Variants in CHCHD3 observed in about 807,000 individuals in gnomAD.
CHCHD3 encodes the protein coiled-coil-helix-coiled-coil-helix domain containing 3.
A neutral mutation model predicts 38.2 loss-of-function variants in CHCHD3; 20 were observed. The observed-to-expected ratio is 0.52, with a 90% CI of 0.37 to 0.76. The LOEUF (loss-of-function observed/expected upper bound fraction) is 0.76. Ranked by LOEUF, CHCHD3 falls within the 30% of genes least tolerant of loss-of-function variation. CHCHD3 has a pLI of 0.00. For synonymous variants in CHCHD3, 82 were observed against 100.0 expected, an observed-to-expected ratio of 0.82 and a Z score of 1.07; for missense variants, 245 against 279.2, an observed-to-expected ratio of 0.88 and a Z score of 0.87.
chr7:132,983,753 T>C (rs1338643320), intron 3 of CHCHD3, among the ~76,000 whole-genome samples: 2 of 151,868 alleles, frequency 1.3e-5, no homozygotes, highest in Non-Finnish European at 2.9e-5. Flanking sequence ...GAAAAAAAAG[T>C]TGAATTGCTT....
chr7:133,013,624 T>G (rs1812943875), intron 3 of CHCHD3, among the ~76,000 whole-genome samples: 1 of 152,176 alleles, frequency 6.6e-6, no homozygotes, highest in South Asian at 2.1e-4. Flanking sequence ...TATTATCAGA[T>G]AGACGGTCTA....
At chr7:133,017,251 T>C (rs1813055490) in intron 3 of CHCHD3, among the ~76,000 whole-genome samples, 1 of 152,222 alleles carries the variant, frequency 6.6e-6, no homozygotes, top group Non-Finnish European at 1.5e-5. Context: ...TATATGATTC[T>C]ATCACTTCAG....
chr7:132,969,244 C>A (rs747454626), intron 4 of CHCHD3, among the ~76,000 whole-genome samples: 13 of 150,940 alleles, frequency 8.6e-5, no homozygotes, highest in African/African-American at 2.9e-4. Flanking sequence ...GCAAGAATAA[C>A]CTTCCCCACA....
At chr7:132,818,440 T>C (rs1387333948) in intron 6 of CHCHD3, among the ~76,000 whole-genome samples, 2 of 152,156 alleles carry the variant, frequency 1.3e-5, no homozygotes, top group South Asian at 2.1e-4. Flanking sequence ...AATTTTCTCC[T>C]CTATGTCTTA....
chr7:132,811,192 G>C (rs182541217), intron 6 of CHCHD3, among the ~76,000 whole-genome samples: 8 of 152,228 alleles, frequency 5.3e-5, no homozygotes, highest in Admixed American at 1.3e-4. Context: ...CCAAAGAAAG[G>C]CAATCCCTAT....
rs943833377 is a variant in CHCHD3 at position 132,804,064 on chromosome 7, G to C, written c.525-7487C>G. On this transcript the variant is annotated intron_variant, in intron 6 of 7. Coordinates refer to ENST00000262570, the MANE Select transcript of CHCHD3 (RefSeq NM_017812.4). ...TTTAGAAGGTAGATAACTGGAAATAGCCAACACGGGAGTCCCCAATGTAGC... is the reference window on the plus strand; with the variant it reads ...TTTAGAAGGTAGATAACTGGAAATACCCAACACGGGAGTCCCCAATGTAGC... Among the ~76,000 whole-genome samples the C allele has an allele frequency of 3.3e-5, 5 of 152,002 alleles. No homozygotes were observed. The South Asian group carries it at 1.0e-3, about 32-fold the overall frequency.
At chr7:132,976,150 A>G (rs1482958247) in intron 3 of CHCHD3, among the ~76,000 whole-genome samples, 1 of 152,140 alleles carries the variant, frequency 6.6e-6, no homozygotes, top group Non-Finnish European at 1.5e-5. Context: ...CTTTCCTCCC[A>G]GTATATTACC....
intron 3 of CHCHD3, among the ~76,000 whole-genome samples, chr7:133,003,306 A>C (rs1301040471): frequency 1.3e-5 from 2 of 152,200 alleles, no homozygotes; most frequent in Non-Finnish European, 2.9e-5. Context: ...AGAGTTGGCA[A>C]ACATGCTCTT....
At chr7:132,802,587 G>A (rs189060713) in intron 6 of CHCHD3, among the ~76,000 whole-genome samples, 41 of 152,320 alleles carry the variant, frequency 2.7e-4, no homozygotes, top group African/African-American at 6.7e-4. Context: ...TTGGTATGAG[G>A]TGGAAGAAAC....
intron 2 of CHCHD3, among the ~76,000 whole-genome samples, chr7:133,025,430 C>T (rs947473034): frequency 2.0e-5 from 3 of 152,184 alleles, no homozygotes; most frequent in Admixed American, 6.5e-5. Context: ...CCCAAAATTA[C>T]GAACAAGAAA....
chr7:133,029,485 T>C (rs1263904844), intron 2 of CHCHD3, among the ~76,000 whole-genome samples: 1 of 152,216 alleles, frequency 6.6e-6, no homozygotes, highest in Non-Finnish European at 1.5e-5. Context: ...GGTAAGAACA[T>C]ACAGTATTTG....
At chr7:132,971,013 G>C (rs932174367) in intron 4 of CHCHD3, among the ~76,000 whole-genome samples, 1 of 152,080 alleles carries the variant, frequency 6.6e-6, no homozygotes, top group African/African-American at 2.4e-5. Flanking sequence ...AAAAAAGAGT[G>C]AGTCAAAATT....
chr7:132,871,901 T>C (rs1165371603), intron 5 of CHCHD3, among the ~76,000 whole-genome samples: 1 of 152,188 alleles, frequency 6.6e-6, no homozygotes, highest in African/African-American at 2.4e-5. Context: ...TGGATGTATT[T>C]GTCAATTATA....
At chr7:132,923,257 T>G (rs567327247) in intron 4 of CHCHD3, among the ~76,000 whole-genome samples, 1 of 152,302 alleles carries the variant, frequency 6.6e-6, no homozygotes, top group African/African-American at 2.4e-5. Flanking sequence ...GAATAGTCCT[T>G]TTCCGAAAGT....
intron 3 of CHCHD3, among the ~76,000 whole-genome samples, chr7:132,978,850 C>G (rs1016502882): frequency 6.6e-6 from 1 of 152,198 alleles, no homozygotes; most frequent in African/African-American, 2.4e-5. Context: ...ATTTTCCTTT[C>G]TTAATAAATT....
At chr7:132,873,139 A>G (rs1365455423) in intron 5 of CHCHD3, among the ~76,000 whole-genome samples, 1 of 152,008 alleles carries the variant, frequency 6.6e-6, no homozygotes, top group East Asian at 1.9e-4. Flanking sequence ...TGAAAAGGGG[A>G]GTGGAATCAT....
intron 2 of CHCHD3, among the ~76,000 whole-genome samples, chr7:133,042,226 C>T (rs1344494214): frequency 1.3e-5 from 2 of 152,148 alleles, no homozygotes; most frequent in Non-Finnish European, 2.9e-5. Context: ...TGAAACACAT[C>T]TATTTTTTTA....
chr7:132,901,372 G>A (rs2117203220), intron 4 of CHCHD3, among the ~76,000 whole-genome samples: 1 of 152,328 alleles, frequency 6.6e-6, no homozygotes, highest in Non-Finnish European at 1.5e-5. Context: ...GCGCACACAA[G>A]ATAGGATGGA....
At chr7:133,041,506 A>G (rs1813834700) in intron 2 of CHCHD3, among the ~76,000 whole-genome samples, 2 of 152,176 alleles carry the variant, frequency 1.3e-5, no homozygotes, top group Admixed American at 1.3e-4. Flanking sequence ...CTTTAATGAA[A>G]AAATGTCTCA....
Sources: gnomAD v4.1 joint callset for allele counts (sites outside exome capture counted in the v4.1 genomes callset) on GRCh38, gnomAD v4.1.1 for gene constraint, MANE v1.5 for transcripts, NCBI Gene and HGNC (gene_info 2026-07-23, HGNC 2026-07-21) for gene names.